The following R3HDM1 variants were observed in gnomAD, a reference collection of about 807,000 sequenced individuals.
R3HDM1 encodes the protein R3H domain-containing protein 1.
Under a neutral mutation model 141.1 loss-of-function variants are expected in R3HDM1, and 46 were observed. The observed-to-expected ratio is 0.33, with a 90% CI of 0.26 to 0.42. R3HDM1 has a LOEUF of 0.42. R3HDM1 is among the 10% of genes least tolerant of loss of function. R3HDM1 has a pLI of 1.00. For synonymous variants in R3HDM1, 435 were observed against 472.9 expected (o/e 0.92, Z 1.04); for missense variants, 1,184 against 1,368.3 (o/e 0.87, Z 2.12).
At chr2:135,623,005 C>G in intron 7 of R3HDM1, 1 of 981,498 alleles carries the variant, frequency 1.0e-6, no homozygotes, top group Non-Finnish European at 1.2e-6. Context: ...TAGACATATA[C>G]CATTAATCAT....
At chr2:135,711,828 G>A (rs1244878157) in intron 23 of R3HDM1, among the ~76,000 whole-genome samples, 2 of 151,850 alleles carry the variant, frequency 1.3e-5, no homozygotes, top group African/African-American at 2.4e-5. Context: ...ACGTGGTGGC[G>A]GGCACCTGTA....
chr2:135,615,244 T>TG lies in R3HDM1; in HGVS notation c.172-905dup, dbSNP rs1190188215. Among the ~76,000 whole-genome samples the TG allele has an allele frequency of 2.1e-5, 3 of 144,258 alleles. No individual in the cohort carries two copies. The South Asian group carries it at 7.1e-4, about 34-fold the overall frequency. The allele number at this position is 144,258 out of a possible 152,430, so 94.6% of individuals were successfully genotyped here. A position where few individuals can be genotyped will look rare whatever the true frequency, so the allele number is the denominator to read the frequency against. Reference sequence around the variant, plus strand: ...GGAAGGCCTTTTTGAAATAAAATGATGGGTTTTTTTTTTTAATGTAAAGCA... The same window carrying TG: ...GGAAGGCCTTTTTGAAATAAAATGATGGGGTTTTTTTTTTTAATGTAAAGCA... On this transcript the variant is annotated intron_variant, in intron 3 of 26. Transcript: ENST00000683871.
intron 7 of R3HDM1, among the ~76,000 whole-genome samples, chr2:135,629,552 C>T (rs2062424635): frequency 6.6e-6 from 1 of 151,910 alleles, no homozygotes; most frequent in Non-Finnish European, 1.5e-5. Context: ...CTATATATGA[C>T]AATAATTGTG....
chr2:135,720,201 A>T (rs1178893472), intron 24 of R3HDM1, among the ~76,000 whole-genome samples: 9 of 152,198 alleles, frequency 5.9e-5, no homozygotes, highest in Non-Finnish European at 1.5e-5. Context: ...TCTCAGTGCT[A>T]AACCCCCATG....
At chr2:135,531,989 C>G (rs1218772194) in intron 1 of R3HDM1, among the ~76,000 whole-genome samples, 1 of 152,186 alleles carries the variant, frequency 6.6e-6, no homozygotes, top group Non-Finnish European at 1.5e-5. Context: ...GGAAAGGTTT[C>G]CGAGTCCCTG....
intron 1 of R3HDM1, among the ~76,000 whole-genome samples, chr2:135,532,326 C>T (rs1297620130): frequency 6.6e-6 from 1 of 152,240 alleles, no homozygotes; most frequent in Non-Finnish European, 1.5e-5. Context: ...GAGCCTTAGG[C>T]TGCCAACAAA....
intron 18 of R3HDM1, among the ~76,000 whole-genome samples, chr2:135,653,799 G>A (rs1337973992): frequency 2.6e-5 from 4 of 152,010 alleles, no homozygotes; most frequent in Admixed American, 6.6e-5. Context: ...GTGGTGGTGC[G>A]CACATGTAAT....
At chr2:135,666,965 T>G (rs2067612089) in intron 19 of R3HDM1, 12 of 365,416 alleles carry the variant, frequency 3.3e-5, no homozygotes, top group Non-Finnish European at 4.5e-5. Context: ...GCTTCTATTG[T>G]ACAAGCACAG....
intron 18 of R3HDM1, among the ~76,000 whole-genome samples, chr2:135,659,882 T>C (rs1223438252): frequency 6.6e-6 from 1 of 152,262 alleles, no homozygotes; most frequent in African/African-American, 2.4e-5. Flanking sequence ...ACTACAGACA[T>C]GTGAGTGATG....
At chr2:135,710,287 T>C in intron 23 of R3HDM1, 56 bp downstream of exon 23, 1 of 1,539,302 alleles carries the variant, frequency 6.5e-7, no homozygotes, top group Non-Finnish European at 8.9e-7. Context: ...TTACCTAAGA[T>C]TGACTTATAA....
At position 135,591,847 on chromosome 2, in the gene R3HDM1, G is replaced by A. The variant is rs552272127; in HGVS notation, c.-249-10653G>A. On this transcript the variant is annotated intron_variant, in intron 1 of 26. Coordinates refer to ENST00000683871, the MANE Select transcript of R3HDM1 (RefSeq NM_001378107.1). ...CAAACCAGAACTAGCCAAAAGGAAA[G>A]ACACACAGGGTAAGGTCTAGGTGAG... Among the ~76,000 whole-genome samples the A allele has an allele frequency of 5.3e-5, 8 of 152,278 alleles. No homozygotes were observed. In the South Asian group the frequency reaches 1.5e-3, roughly 28 times the overall value.
intron 21 of R3HDM1, among the ~76,000 whole-genome samples, chr2:135,702,649 CAA>C (rs753918013): frequency 3.5e-3 from 253 of 71,422 alleles, no homozygotes; most frequent in African/African-American, 0.011. Flanking sequence ...GACTCCGTCT[CAA>C]AAAAAAAAAA....
chr2:135,676,392 G>A lies in R3HDM1; in HGVS notation c.2307+906G>A, dbSNP rs186103934. Among the ~76,000 whole-genome samples the A allele has an allele frequency of 1.9e-3, 282 of 152,298 alleles. 2 individuals carry two copies. Among genetic ancestry groups the A allele is most frequent in the African/African-American group, 6.4e-3 (266 of 41,552 alleles). ...TACCTATTATTTGATGAATAAGCAC[G>A]TGTCTTCAATATAATATGACACATT... On this transcript the variant is annotated intron_variant, in intron 20 of 26. Coordinates refer to ENST00000683871, the MANE Select transcript of R3HDM1 (RefSeq NM_001378107.1).
At chr2:135,626,209 G>GTGCGTGCGTGCTTGCTTGCT (rs1553576639) in intron 7 of R3HDM1, among the ~76,000 whole-genome samples, 2 of 143,334 alleles carry the variant, frequency 1.4e-5, no homozygotes, top group Non-Finnish European at 3.0e-5. Flanking sequence ...GCGTGCGTGC[G>GTGCGTGCGTGCTTGCTTGCT]TGCTTGCTTG....
chr2:135,674,691 T>C (rs2068882570), intron 19 of R3HDM1, among the ~76,000 whole-genome samples: 1 of 152,216 alleles, frequency 6.6e-6, no homozygotes, highest in Non-Finnish European at 1.5e-5. Context: ...CTTGAGCAGA[T>C]TACTTGAGTT....
intron 20 of R3HDM1, 51 bp from the exon 21 acceptor site, chr2:135,680,122 C>A: frequency 6.5e-7 from 1 of 1,535,412 alleles, no homozygotes; most frequent in Non-Finnish European, 8.9e-7. Flanking sequence ...TAAACATTTA[C>A]AAGGCCTTGA....
At chr2:135,677,939 C>T (rs1244837628) in intron 20 of R3HDM1, among the ~76,000 whole-genome samples, 2 of 151,766 alleles carry the variant, frequency 1.3e-5, no homozygotes, top group Admixed American at 6.6e-5. Flanking sequence ...CTCTCTCGCT[C>T]GCTCTCTCTC....
intron 1 of R3HDM1, among the ~76,000 whole-genome samples, chr2:135,583,290 G>A (rs976434417): frequency 3.3e-5 from 5 of 152,070 alleles, no homozygotes; most frequent in South Asian, 2.1e-4. Flanking sequence ...GTAGTCCACA[G>A]TCTGAATTTA....
intron 19 of R3HDM1, among the ~76,000 whole-genome samples, chr2:135,661,832 A>G (rs1236966248): frequency 6.6e-6 from 1 of 152,242 alleles, no homozygotes. Context: ...ATCTCTTAGT[A>G]GGCATGCCTT....
Sources: gnomAD v4.1 joint callset for allele counts (sites outside exome capture counted in the v4.1 genomes callset) on GRCh38, gnomAD v4.1.1 for gene constraint, MANE v1.5 for transcripts, NCBI Gene and HGNC (gene_info 2026-07-23, HGNC 2026-07-21) for gene names.